Variants in ESRRG observed in about 807,000 individuals in gnomAD.
ESRRG encodes the protein estrogen-related receptor gamma.
In ESRRG, 13 loss-of-function variants were observed where a neutral mutation model predicts 44.0. That is an observed-to-expected ratio of 0.30 (90% confidence interval 0.19 to 0.47). The LOEUF (loss-of-function observed/expected upper bound fraction) is 0.47, where lower values mean the gene tolerates loss of function less well. Ranked by LOEUF, ESRRG falls within the 20% of genes least tolerant of loss-of-function variation. The probability of loss-of-function intolerance (pLI) is 1.00; values close to 1 mark genes in which losing one functional copy is unlikely to be tolerated. For synonymous variants in ESRRG, 215 were observed against 214.6 expected (o/e 1.00, Z -0.02); for missense variants, 395 against 580.6 (o/e 0.68, Z 3.29).
intron 1 of ESRRG, among the ~76,000 whole-genome samples, chr1:217,039,218 C>G (rs893381909): frequency 6.6e-6 from 1 of 152,140 alleles, no homozygotes; most frequent in Admixed American, 6.6e-5. Flanking sequence ...TCCTCTGAGC[C>G]CTCCAAACTG....
intron 1 of ESRRG, among the ~76,000 whole-genome samples, chr1:216,996,935 T>C (rs2076442928): frequency 6.6e-6 from 1 of 152,150 alleles, no homozygotes; most frequent in South Asian, 2.1e-4. Context: ...TTGCACAGGC[T>C]ACATAATCTG....
intron 5 of ESRRG, among the ~76,000 whole-genome samples, chr1:216,550,095 G>T (rs1260658879): frequency 6.6e-6 from 1 of 152,088 alleles, no homozygotes; most frequent in African/African-American, 2.4e-5. Context: ...TGTGAACTTT[G>T]CATGAACCGC....
intron 1 of ESRRG, among the ~76,000 whole-genome samples, chr1:216,953,913 G>A (rs1470829190): frequency 6.6e-6 from 1 of 151,368 alleles, no homozygotes; most frequent in African/African-American, 2.4e-5. Context: ...TATCAATTTG[G>A]GGGGCAATGA....
chr1:216,554,359 C>T (rs904802093), intron 5 of ESRRG, among the ~76,000 whole-genome samples: 1 of 151,726 alleles, frequency 6.6e-6, no homozygotes, highest in Admixed American at 6.6e-5. Context: ...CAGGCTGAGG[C>T]AGGAGAATCC....
At chr1:216,748,713 A>ATGTT (rs1196640954) in intron 2 of ESRRG, among the ~76,000 whole-genome samples, 1 of 152,184 alleles carries the variant, frequency 6.6e-6, no homozygotes, top group Non-Finnish European at 1.5e-5. Context: ...ATCTGGAAGG[A>ATGTT]TGTTGTCAGG....
At chr1:216,648,382 G>A (rs1181742506) in intron 3 of ESRRG, among the ~76,000 whole-genome samples, 1 of 152,082 alleles carries the variant, frequency 6.6e-6, no homozygotes, top group Non-Finnish European at 1.5e-5. Flanking sequence ...AAGAAGTAAA[G>A]GAAAATAAAT....
At chr1:216,679,239 C>T (rs1050470840) in intron 1 of ESRRG, among the ~76,000 whole-genome samples, 1 of 152,198 alleles carries the variant, frequency 6.6e-6, no homozygotes, top group African/African-American at 2.4e-5. Flanking sequence ...TGAACTACGG[C>T]GTCCTCTCTC....
chr1:216,986,557 A>G (rs1171748800), intron 1 of ESRRG, among the ~76,000 whole-genome samples: 2 of 151,858 alleles, frequency 1.3e-5, no homozygotes, highest in African/African-American at 4.8e-5. Flanking sequence ...TAAAATAATA[A>G]TAATAATAAT....
At chr1:217,088,191 T>A (rs1416888317) in intron 1 of ESRRG, among the ~76,000 whole-genome samples, 1 of 152,108 alleles carries the variant, frequency 6.6e-6, no homozygotes, top group Non-Finnish European at 1.5e-5. Flanking sequence ...CCCTATTTGG[T>A]CTTTGGGCAG....
At chr1:216,628,617 C>T (rs1311151631) in intron 3 of ESRRG, among the ~76,000 whole-genome samples, 1 of 152,116 alleles carries the variant, frequency 6.6e-6, no homozygotes, top group Non-Finnish European at 1.5e-5. Flanking sequence ...AAATAAAATT[C>T]ATTCTGAAAA....
intron 2 of ESRRG, among the ~76,000 whole-genome samples, chr1:216,815,309 T>C (rs2095099161): frequency 6.6e-6 from 1 of 152,192 alleles, no homozygotes; most frequent in African/African-American, 2.4e-5. Flanking sequence ...TCTTAGTAGA[T>C]AATATTATCA....
chr1:216,795,752 C>T (rs1283319973), intron 2 of ESRRG, among the ~76,000 whole-genome samples: 1 of 152,062 alleles, frequency 6.6e-6, no homozygotes. Context: ...ATTGTGATGT[C>T]TCCTTCCTCT....
At chr1:216,523,868 T>A (rs1019244525) in intron 5 of ESRRG, among the ~76,000 whole-genome samples, 4 of 151,798 alleles carry the variant, frequency 2.6e-5, no homozygotes, top group African/African-American at 9.7e-5. Flanking sequence ...AAATCAACAT[T>A]TTTCAACAAC....
Position 216,928,555 on chromosome 1 carries a change from C to T in ESRRG, c.-14+11027G>A, listed in dbSNP as rs753255341. ...TTCGTGGACATTTTTTATGAGTTTC[C>T]TAAGCACATTGATGATTCTTCCATC... On this transcript the variant is annotated intron_variant, in intron 2 of 7. Transcript: ENST00000359162. Among the ~76,000 whole-genome samples, 95 of 152,128 alleles carry T rather than the reference C, an allele frequency of 6.2e-4. 1 individual carries two copies. The highest frequency in any genetic ancestry group is 3.2e-3 in the Middle Eastern group (1 of 316).
chr1:217,037,091 C>G (rs948527116), intron 1 of ESRRG, among the ~76,000 whole-genome samples: 1 of 152,168 alleles, frequency 6.6e-6, no homozygotes, highest in African/African-American at 2.4e-5. Context: ...GGAGCCTGAT[C>G]CTGCTCCCTG....
intron 2 of ESRRG, among the ~76,000 whole-genome samples, chr1:216,852,700 A>G (rs2095860184): frequency 6.6e-6 from 1 of 152,198 alleles, no homozygotes; most frequent in Admixed American, 6.5e-5. Flanking sequence ...TTGAGCAAAA[A>G]CAGTTGAATA....
intron 1 of ESRRG, among the ~76,000 whole-genome samples, chr1:217,037,694 A>G (rs1451912913): frequency 6.6e-6 from 1 of 152,184 alleles, no homozygotes; most frequent in Non-Finnish European, 1.5e-5. Flanking sequence ...AACTCATTTC[A>G]GCATTAACTC....
At chr1:216,546,825 A>G (rs914457249) in intron 5 of ESRRG, among the ~76,000 whole-genome samples, 2 of 151,858 alleles carry the variant, frequency 1.3e-5, no homozygotes, top group African/African-American at 4.8e-5. Flanking sequence ...ATATATATAT[A>G]TATATGTTCT....
intron 5 of ESRRG, among the ~76,000 whole-genome samples, chr1:216,550,266 C>T (rs2055883066): frequency 6.6e-6 from 1 of 152,058 alleles, no homozygotes; most frequent in South Asian, 2.1e-4. Flanking sequence ...ACTGTTGGTT[C>T]TGATATTTAA....
Sources: gnomAD v4.1 joint callset for allele counts (sites outside exome capture counted in the v4.1 genomes callset) on GRCh38, gnomAD v4.1.1 for gene constraint, MANE v1.5 for transcripts, NCBI Gene and HGNC (gene_info 2026-07-23, HGNC 2026-07-21) for gene names.